The following RAD50 variants were observed in gnomAD, a reference collection of about 807,000 sequenced individuals.
RAD50 encodes the protein RAD50 double strand break repair protein.
Under a neutral mutation model 168.8 loss-of-function variants are expected in RAD50, and 132 were observed. The observed-to-expected ratio is 0.78, with a 90% CI of 0.68 to 0.90. The LOEUF (loss-of-function observed/expected upper bound fraction) is 0.90, where lower values mean the gene tolerates loss of function less well. RAD50 is among the 40% of genes least tolerant of loss of function. The pLI is 0.00. For missense variants in RAD50, 1,347 were observed against 1,534.4 expected, an observed-to-expected ratio of 0.88 and a Z score of 2.04; for synonymous variants, 525 against 497.4, an observed-to-expected ratio of 1.06 and a Z score of -0.74.
chr5:132,605,125 A>G (rs1750962303), intron 16 of RAD50, 126 bp downstream of exon 16: 5 of 613,884 alleles, frequency 8.1e-6, no homozygotes, highest in Non-Finnish European at 1.3e-5. Flanking sequence ...GCTCACTGCA[A>G]CCTCCATCTC....
intron 15 of RAD50, among the ~76,000 whole-genome samples, chr5:132,604,545 G>A (rs1310051516): frequency 6.6e-6 from 1 of 152,122 alleles, no homozygotes; most frequent in Non-Finnish European, 1.5e-5. Context: ...GGGATTACAA[G>A]TGTGAGCCAG....
At chr5:132,593,032 A>G (rs1164892168) in intron 11 of RAD50, 7 of 352,956 alleles carry the variant, frequency 2.0e-5, no homozygotes, top group Non-Finnish European at 2.9e-5. Flanking sequence ...GGCATGAAGA[A>G]GATGATTTTT....
At chr5:132,571,844 C>T (rs1431912650) in intron 2 of RAD50, among the ~76,000 whole-genome samples, 3 of 152,158 alleles carry the variant, frequency 2.0e-5, no homozygotes, top group Non-Finnish European at 4.4e-5. Context: ...GCCAAAGATA[C>T]ATAACCTGAT....
At chr5:132,571,110 G>A (rs1049070468) in intron 2 of RAD50, among the ~76,000 whole-genome samples, 6 of 152,054 alleles carry the variant, frequency 3.9e-5, no homozygotes, top group African/African-American at 7.3e-5. Context: ...ATGGTTTGTG[G>A]CACACAAACA....
intron 21 of RAD50, among the ~76,000 whole-genome samples, chr5:132,623,467 C>A (rs931223470): frequency 1.3e-5 from 2 of 152,086 alleles, no homozygotes; most frequent in Non-Finnish European, 2.9e-5. Flanking sequence ...GGCAACAGAA[C>A]GAGACTCTGT....
At chr5:132,639,119 G>A (rs1344754841) in intron 23 of RAD50, among the ~76,000 whole-genome samples, 2 of 151,788 alleles carry the variant, frequency 1.3e-5, no homozygotes, top group Non-Finnish European at 2.9e-5. Flanking sequence ...CACTTTGGAA[G>A]GCCGAGGCGG....
intron 2 of RAD50, among the ~76,000 whole-genome samples, chr5:132,572,341 T>G (rs1750321313): frequency 6.6e-6 from 1 of 152,126 alleles, no homozygotes; most frequent in Non-Finnish European, 1.5e-5. Context: ...CTTAAAATCT[T>G]ATTATAAATC....
At chr5:132,612,556 C>T (rs527270996) in intron 19 of RAD50, among the ~76,000 whole-genome samples, 52 of 152,196 alleles carry the variant, frequency 3.4e-4, no homozygotes, top group Non-Finnish European at 5.1e-4. Context: ...ATGTGTTGGC[C>T]GGGCACAGTG....
At chr5:132,595,943 A>C (rs1750785305) in intron 13 of RAD50, 133 bp downstream of exon 13, 2 of 788,372 alleles carry the variant, frequency 2.5e-6, no homozygotes, top group Admixed American at 4.1e-5. Context: ...CACTTCTATG[A>C]TAAGAAGATT....
chr5:132,629,074 T>G (rs1751418038), intron 21 of RAD50, among the ~76,000 whole-genome samples: 1 of 152,108 alleles, frequency 6.6e-6, no homozygotes, highest in South Asian at 2.1e-4. Context: ...TTCATATGTA[T>G]TCACTGAATA....
chr5:132,628,941 G>T (rs1475196543), intron 21 of RAD50, among the ~76,000 whole-genome samples: 1 of 152,106 alleles, frequency 6.6e-6, no homozygotes, highest in Admixed American at 6.5e-5. Context: ...ATGGGGCAAT[G>T]GTTAGAGTGG....
chr5:132,603,241 C>T, intron 13 of RAD50, 59 bp from the exon 14 acceptor site: 4 of 1,454,968 alleles, frequency 2.7e-6, no homozygotes, highest in Non-Finnish European at 3.8e-6. Context: ...AAATACATAA[C>T]CTCAGTCTAA....
At chr5:132,625,376 G>A (rs757322585) in intron 21 of RAD50, among the ~76,000 whole-genome samples, 25 of 152,110 alleles carry the variant, frequency 1.6e-4, no homozygotes, top group Non-Finnish European at 1.8e-4. Context: ...GTGAGCCACC[G>A]CGCCCGGCCG....
rs1491455950 is a variant in RAD50 at position 132,619,834 on chromosome 5, C to CTATA, written c.3389+1541_3389+1542insATAT. Among the ~76,000 whole-genome samples, 2 of 117,120 alleles carry CTATA rather than the reference C, an allele frequency of 1.7e-5. 1 individual carries two copies. Among genetic ancestry groups the CTATA allele is most frequent in the African/African-American group, 7.9e-5 (2 of 25,278 alleles). 76.8% of individuals were successfully genotyped at this position (117,120 alleles called of 152,430 possible). A position where few individuals can be genotyped will look rare whatever the true frequency, so the allele number is the denominator to read the frequency against. On this transcript the variant is annotated intron_variant, in intron 21 of 24. Transcript: ENST00000378823. Reference sequence around the variant, plus strand: ...TCTACTCCTCTCTCTCTCTCTCTCTCTCTATATATATATATATAAAGATAT... The same window carrying CTATA: ...TCTACTCCTCTCTCTCTCTCTCTCTCTATATCTATATATATATATATAAAGATAT...
Position 132,612,795 on chromosome 5 carries a change from T to C in RAD50, c.3037-3208T>C, listed in dbSNP as rs1042465043. Among the ~76,000 whole-genome samples the C allele has an allele frequency of 2.6e-5, 4 of 152,124 alleles. No homozygotes were observed. In the East Asian group the frequency reaches 7.7e-4, roughly 29 times the overall value. On this transcript the variant is annotated intron_variant, in intron 19 of 24. Transcript: ENST00000378823. ...GTGAGCCCTTACTACGCCACTGCACTCCAGCCTGGGCAACAGAGCAAGACC... is the reference window on the plus strand; with the variant it reads ...GTGAGCCCTTACTACGCCACTGCACCCCAGCCTGGGCAACAGAGCAAGACC...
rs375315737 is a variant in RAD50, at chr5:132,604,830, G to A, written c.2549G>A (p.Arg850His). The change falls in exon 16 of 25, where the codon CGT becomes CAT. Residue 850 changes from arginine to histidine, a missense_variant. By Grantham distance (29) the Arg-to-His change is conservative (BLOSUM62 0). Coordinates refer to ENST00000378823, the MANE Select transcript of RAD50 (RefSeq NM_005732.4). ...GTTTCTAGTAAGATTGAATTGAATC[G>A]TAAGCTTATACAGGACCAGCAGGAA... ...DTVSSKIELN[R>H]KLIQDQQEQI... is the part of the protein sequence containing the mutation. 14 of 1,612,074 alleles carry A rather than the reference G, an allele frequency of 8.7e-6. No individual in the cohort carries two copies. The highest frequency in any genetic ancestry group is 1.3e-5 in the African/African-American group (1 of 74,826).
At chr5:132,569,808 A>G (rs1035200543) in intron 2 of RAD50, among the ~76,000 whole-genome samples, 10 of 152,256 alleles carry the variant, frequency 6.6e-5, no homozygotes, top group Admixed American at 3.3e-4. Context: ...CAGAATCAGT[A>G]GCAGAAAAGT....
rs557551385 is a variant in RAD50 at position 132,588,536 on chromosome 5, C to G, written c.1052-151C>G. 1.4e-5 allele frequency: 10 copies of G among 709,016 alleles called. No individual in the cohort carries two copies. The East Asian group carries it at 2.7e-4, about 19-fold the overall frequency. The allele number at this position is 709,016 out of a possible 1,614,324, so 43.9% of individuals were successfully genotyped here. A position where few individuals can be genotyped will look rare whatever the true frequency, so the allele number is the denominator to read the frequency against. On this transcript the variant is annotated intron_variant, in intron 7 of 24. Coordinates refer to ENST00000378823, the MANE Select transcript of RAD50 (RefSeq NM_005732.4). The stretch of plus-strand genomic sequence containing the variant: ...TCAGTATTCTGGTTGTGATATTTTA[C>G]TGCAGTTTTGCAAAATGTTATCATT...
intron 13 of RAD50, among the ~76,000 whole-genome samples, chr5:132,601,298 A>G (rs1391149626): frequency 6.6e-6 from 1 of 152,228 alleles, no homozygotes; most frequent in Non-Finnish European, 1.5e-5. Context: ...ACACCCGGCC[A>G]GAAAACTTCT....
Sources: gnomAD v4.1 joint callset for allele counts (sites outside exome capture counted in the v4.1 genomes callset) on GRCh38, gnomAD v4.1.1 for gene constraint, MANE v1.5 for transcripts, NCBI Gene and HGNC (gene_info 2026-07-23, HGNC 2026-07-21) for gene names.